The following WDR70 variants were observed in gnomAD, a reference collection of about 807,000 sequenced individuals.
The protein encoded by WDR70 is WD repeat domain 70, also known as WD repeat-containing protein 70.
A neutral mutation model predicts 88.6 loss-of-function variants in WDR70; 53 were observed. That is an observed-to-expected ratio of 0.60 (90% confidence interval 0.48 to 0.75). The LOEUF (loss-of-function observed/expected upper bound fraction) is 0.75, where lower values mean the gene tolerates loss of function less well. Ranked by LOEUF, WDR70 falls within the 30% of genes least tolerant of loss-of-function variation. The pLI, the probability that WDR70 is intolerant of heterozygous loss-of-function variation, is 0.00. For synonymous variants in WDR70, 280 were observed against 270.0 expected, an observed-to-expected ratio of 1.04 and a Z score of -0.36; for missense variants, 610 against 823.2, an observed-to-expected ratio of 0.74 and a Z score of 3.17.
At chr5:37,579,872 C>G (rs1743170000) in intron 9 of WDR70, among the ~76,000 whole-genome samples, 1 of 152,038 alleles carries the variant, frequency 6.6e-6, no homozygotes, top group African/African-American at 2.4e-5. Flanking sequence ...AATTTCTTCT[C>G]TTTTGTATTT....
chr5:37,564,562 AGAGGGAGAGGGAGAG>A (rs368379470), intron 9 of WDR70, among the ~76,000 whole-genome samples: 24 of 139,336 alleles, frequency 1.7e-4, no homozygotes, highest in East Asian at 4.3e-4. Context: ...GACCGTGGGG[AGAGGGAGAGGGAGAG>A]GAGGGAGAGG....
At chr5:37,746,309 C>G (rs1748635951) in intron 17 of WDR70, among the ~76,000 whole-genome samples, 1 of 151,992 alleles carries the variant, frequency 6.6e-6, no homozygotes, top group Admixed American at 6.6e-5. Flanking sequence ...CACTAAATGC[C>G]CACATTAGAA....
intron 7 of WDR70, among the ~76,000 whole-genome samples, chr5:37,454,307 T>C (rs1005865038): frequency 6.6e-6 from 1 of 152,204 alleles, no homozygotes; most frequent in Admixed American, 6.5e-5. Context: ...AAGGCTGATA[T>C]GTTTAGTTTT....
chr5:37,502,451 T>A (rs564658228), intron 8 of WDR70, among the ~76,000 whole-genome samples: 2 of 152,192 alleles, frequency 1.3e-5, no homozygotes, highest in Non-Finnish European at 2.9e-5. Context: ...TATTTTGAAG[T>A]ATATTCCTTC....
chr5:37,629,304 C>T (rs572370353), intron 10 of WDR70, among the ~76,000 whole-genome samples: 1 of 152,194 alleles, frequency 6.6e-6, no homozygotes, highest in South Asian at 2.1e-4. Context: ...GCTCCCTGGA[C>T]CTAAATGCTC....
At chr5:37,674,381 C>T (rs919920817) in intron 10 of WDR70, among the ~76,000 whole-genome samples, 12 of 151,992 alleles carry the variant, frequency 7.9e-5, no homozygotes, top group Non-Finnish European at 1.5e-4. Flanking sequence ...TATTCCCCCG[C>T]CTTCCCCAAC....
intron 9 of WDR70, among the ~76,000 whole-genome samples, chr5:37,548,760 A>G (rs375643188): frequency 6.6e-5 from 10 of 152,144 alleles, no homozygotes; most frequent in Admixed American, 4.6e-4. Flanking sequence ...TTCTCGTAGT[A>G]TTTTCATAGT....
Position 37,752,544 on chromosome 5 carries a change from G to A in WDR70, c.1936G>A (p.Glu646Lys). 1 of 1,612,840 alleles carries A rather than the reference G, an allele frequency of 6.2e-7. No homozygotes were observed. The highest frequency in any genetic ancestry group is 1.1e-5 in the South Asian group (1 of 90,880). ...ATCTGATGATGAGGAAGCAAAGAATGAGCCAGAATGGAAAAAACGTAAAAT... is the reference window on the plus strand; with the variant it reads ...ATCTGATGATGAGGAAGCAAAGAATAAGCCAGAATGGAAAAAACGTAAAAT... ...VESDDEEAKNEPEWKKRKI is the reference protein window; with the variant it reads ...VESDDEEAKNKPEWKKRKI The change falls in exon 18 of 18, where the codon GAG becomes AAG. Residue 646 changes from glutamate to lysine, a missense_variant. Transcript: ENST00000265107.
At chr5:37,439,205 ACCGTTC>A (rs1202815905) in intron 6 of WDR70, among the ~76,000 whole-genome samples, 1 of 152,134 alleles carries the variant, frequency 6.6e-6, no homozygotes, top group Admixed American at 6.6e-5. Flanking sequence ...GGTGTGAGCC[ACCGTTC>A]CCGGCTTGGA....
chr5:37,723,205 A>C, intron 15 of WDR70: 4 of 421,710 alleles, frequency 9.5e-6, no homozygotes, highest in Non-Finnish European at 1.7e-5. Context: ...AGTTTTTTCA[A>C]GAGTAACAGT....
chr5:37,514,618 G>C (rs1740831939), intron 8 of WDR70, among the ~76,000 whole-genome samples: 1 of 151,610 alleles, frequency 6.6e-6, no homozygotes, highest in Non-Finnish European at 1.5e-5. Flanking sequence ...TTATCGTTCA[G>C]CTCCCACTTA....
chr5:37,653,019 G>A (rs939074470), intron 10 of WDR70, among the ~76,000 whole-genome samples: 6 of 152,122 alleles, frequency 3.9e-5, no homozygotes, highest in African/African-American at 1.4e-4. Context: ...TCTTGTGCTG[G>A]TTTTCAAAGG....
intron 10 of WDR70, among the ~76,000 whole-genome samples, chr5:37,693,075 GACA>G (rs1746859458): frequency 7.6e-6 from 1 of 132,094 alleles, no homozygotes; most frequent in African/African-American, 4.3e-5. Flanking sequence ...ACCAATAACA[GACA>G]AACAGCCAAA....
intron 7 of WDR70, among the ~76,000 whole-genome samples, chr5:37,471,659 G>T: frequency 6.6e-6 from 1 of 150,816 alleles, no homozygotes. Context: ...GAATTTTTTT[G>T]TTTTCTGTTT....
intron 8 of WDR70, among the ~76,000 whole-genome samples, chr5:37,496,145 T>G (rs568360480): frequency 1.3e-5 from 2 of 152,254 alleles, no homozygotes; most frequent in African/African-American, 4.8e-5. Context: ...CAATCAGCAC[T>G]CTGTAAAAAT....
At chr5:37,487,620 TATA>T (rs1561871964) in intron 8 of WDR70, among the ~76,000 whole-genome samples, 6 of 38,842 alleles carry the variant, frequency 1.5e-4, no homozygotes, top group African/African-American at 2.4e-4. Flanking sequence ...TATATATATA[TATA>T]TGTATTTTTT....
chr5:37,424,102 T>A (rs1402435866), intron 5 of WDR70, among the ~76,000 whole-genome samples: 1 of 117,046 alleles, frequency 8.5e-6, no homozygotes, highest in East Asian at 2.6e-4. Flanking sequence ...TGAGCTGAGA[T>A]CACGCCACTG....
In WDR70 at chr5:37,396,419, A is replaced by G. The variant is rs752492254; in HGVS notation, c.341A>G (p.Asp114Gly). 9 of 1,613,724 alleles carry G rather than the reference A, an allele frequency of 5.6e-6. No individual in the cohort carries two copies. The highest frequency in any genetic ancestry group is 7.6e-6 in the Non-Finnish European group (9 of 1,179,886). Residue 114 changes from aspartate (D) to glycine (G), a missense_variant, in exon 5 of 18, where the codon GAT (aspartate) becomes GGT (glycine). Transcript: ENST00000265107. ...SESEQSSDSS[D>G]DELIGPPLPP... ...AGTGAACAGAGTTCTGACTCTTCTG[A>G]TGATGAGTTAATTGGCCCTCCTTTA...
intron 10 of WDR70, among the ~76,000 whole-genome samples, chr5:37,625,636 T>C (rs1290261856): frequency 6.6e-6 from 1 of 152,092 alleles, no homozygotes; most frequent in African/African-American, 2.4e-5. Flanking sequence ...GCAATTCTCC[T>C]GCCTCAGCCT....
Sources: gnomAD v4.1 joint callset for allele counts (sites outside exome capture counted in the v4.1 genomes callset) on GRCh38, gnomAD v4.1.1 for gene constraint, MANE v1.5 for transcripts, NCBI Gene and HGNC (gene_info 2026-07-23, HGNC 2026-07-21) for gene names.